LRRC49: variants seen among roughly 807,000 people sequenced by gnomAD.
LRRC49 encodes the protein leucine-rich repeat-containing protein 49.
A neutral mutation model predicts 83.3 loss-of-function variants in LRRC49; 50 were observed. The ratio of observed to expected loss-of-function variants is 0.60; its 90% CI spans 0.48 to 0.76. The LOEUF (loss-of-function observed/expected upper bound fraction) is 0.76, where lower values mean the gene tolerates loss of function less well. Ranked by LOEUF, LRRC49 falls within the 30% of genes least tolerant of loss-of-function variation. The pLI, the probability that LRRC49 is intolerant of heterozygous loss-of-function variation, is 0.00. For synonymous variants in LRRC49, 286 were observed against 283.3 expected (o/e 1.01, Z -0.10); for missense variants, 704 against 809.1 (o/e 0.87, Z 1.58).
At chr15:70,855,176 A>T (rs187658598) in intron 1 of LRRC49, among the ~76,000 whole-genome samples, 144 of 152,172 alleles carry the variant, frequency 9.5e-4, no homozygotes, top group African/African-American at 3.4e-3. Flanking sequence ...TACTAAAAAA[A>T]ATACAAAAAT....
intron 8 of LRRC49, among the ~76,000 whole-genome samples, chr15:70,958,110 G>A (rs1000904223): frequency 2.4e-4 from 37 of 152,120 alleles, no homozygotes; most frequent in Admixed American, 1.0e-3. Context: ...TTCTGTCCAT[G>A]CTACACTCTA....
intron 1 of LRRC49, chr15:70,893,345 C>T: frequency 3.5e-6 from 2 of 575,040 alleles, no homozygotes; most frequent in Non-Finnish European, 6.1e-6. Context: ...GCCTGAGGTA[C>T]TAACTAGAGG....
chr15:70,993,317 C>T (rs996067174), intron 11 of LRRC49, among the ~76,000 whole-genome samples: 1 of 152,174 alleles, frequency 6.6e-6, no homozygotes, highest in South Asian at 2.1e-4. Flanking sequence ...ATTCCCTGAC[C>T]CTTTGCCCTT....
intron 1 of LRRC49, chr15:70,859,946 C>T (rs2032747883): frequency 1.3e-6 from 1 of 765,204 alleles, no homozygotes; most frequent in African/African-American, 1.7e-5. Flanking sequence ...CATGACAATC[C>T]ATACGAAGAC....
chr15:71,048,805 G>A (rs983319998), intron 15 of LRRC49: 1 of 455,926 alleles, frequency 2.2e-6, no homozygotes, highest in African/African-American at 2.0e-5. Context: ...CAGAAGTTGA[G>A]TGGGAGACCT....
chr15:70,936,222 C>T (rs1270315834), intron 7 of LRRC49, among the ~76,000 whole-genome samples: 1 of 152,094 alleles, frequency 6.6e-6, no homozygotes, highest in East Asian at 1.9e-4. Context: ...CCTTCAGTGA[C>T]ACTTACCATG....
chr15:70,921,192 G>A (rs1197066939), intron 7 of LRRC49, among the ~76,000 whole-genome samples: 1 of 152,122 alleles, frequency 6.6e-6, no homozygotes, highest in African/African-American at 2.4e-5. Flanking sequence ...TAAGTGAAAG[G>A]GAAAGTCACT....
chr15:70,860,471 G>T (rs1159942484), intron 1 of LRRC49, among the ~76,000 whole-genome samples: 1 of 152,232 alleles, frequency 6.6e-6, no homozygotes. Flanking sequence ...CTCGAGTGCA[G>T]TGGAGTGATC....
rs745379803 is a variant in LRRC49, at chr15:70,984,228, C to T, written c.1140C>T (p.Ser380=). The T allele has an allele frequency of 6.2e-7, 1 of 1,612,700 alleles. No homozygotes were observed. The highest frequency in any genetic ancestry group is 8.5e-7 in the Non-Finnish European group (1 of 1,179,224). Residue 380 remains serine, a synonymous_variant, in exon 11 of 16, where the codon AGC becomes AGT. Coordinates refer to ENST00000260382, the MANE Select transcript of LRRC49 (RefSeq NM_017691.5). ...SPQDPCQIDG[S]TLSAFPEETG... is the part of the protein sequence containing the mutation. ...AGGACCCCTGTCAGATTGATGGAAG[C>T]ACCCTCTCTGCATTCCCAGAGGAAA...
At chr15:70,972,154 C>T (rs1052296827) in intron 9 of LRRC49, among the ~76,000 whole-genome samples, 1 of 152,064 alleles carries the variant, frequency 6.6e-6, no homozygotes, top group East Asian at 1.9e-4. Flanking sequence ...GTGCTTCCTT[C>T]AGGAGCTCTT....
chr15:70,980,460 T>C (rs767794718), intron 10 of LRRC49, among the ~76,000 whole-genome samples: 1 of 152,194 alleles, frequency 6.6e-6, no homozygotes, highest in Non-Finnish European at 1.5e-5. Context: ...TATAACACTT[T>C]TATTTCATAC....
intron 11 of LRRC49, among the ~76,000 whole-genome samples, chr15:70,989,049 TC>T (rs1175091121): frequency 6.6e-6 from 1 of 152,220 alleles, no homozygotes; most frequent in African/African-American, 2.4e-5. Flanking sequence ...ACCTGACCTT[TC>T]TCTCTGGCTG....
At chr15:70,932,981 C>A (rs114747433) in intron 7 of LRRC49, among the ~76,000 whole-genome samples, 2,364 of 152,114 alleles carry the variant, frequency 0.016, 60 homozygotes, top group African/African-American at 0.055. Flanking sequence ...GCACCCACCT[C>A]ACCTCCCAAA....
chr15:70,993,830 T>G, intron 11 of LRRC49, among the ~76,000 whole-genome samples: 1 of 152,200 alleles, frequency 6.6e-6, no homozygotes, highest in East Asian at 1.9e-4. Context: ...AGTTAGTCCT[T>G]CAATCCGTCA....
At chr15:71,010,182 G>A (rs1310981424) in intron 13 of LRRC49, among the ~76,000 whole-genome samples, 190 bp downstream of exon 13, 2 of 151,872 alleles carry the variant, frequency 1.3e-5, no homozygotes, top group Non-Finnish European at 2.9e-5. Context: ...TAAATAAATT[G>A]TAAAAATAAA....
At chr15:70,862,141 C>T (rs931309717) in intron 1 of LRRC49, among the ~76,000 whole-genome samples, 2 of 152,140 alleles carry the variant, frequency 1.3e-5, no homozygotes, top group Non-Finnish European at 2.9e-5. Context: ...GCCTGAAGGG[C>T]GAGCCCACCC....
At chr15:70,904,807 G>A (rs1015180545) in intron 5 of LRRC49, 52 bp downstream of exon 5, 2 of 1,340,322 alleles carry the variant, frequency 1.5e-6, no homozygotes, top group Non-Finnish European at 2.1e-6. Context: ...TAGGATTAAT[G>A]TGGAGATGAC....
intron 11 of LRRC49, among the ~76,000 whole-genome samples, chr15:70,996,774 T>C (rs1029537650): frequency 2.0e-5 from 3 of 152,198 alleles, no homozygotes; most frequent in African/African-American, 7.2e-5. Context: ...TCCTTTTTAT[T>C]TTTCCCACTT....
intron 11 of LRRC49, among the ~76,000 whole-genome samples, chr15:71,001,568 C>T (rs2038256080): frequency 1.3e-5 from 2 of 152,178 alleles, no homozygotes; most frequent in South Asian, 2.1e-4. Context: ...AAATCTCCTG[C>T]TGCCAATAGT....
Sources: allele counts gnomAD v4.1 joint callset (sites outside exome capture counted in the v4.1 genomes callset), GRCh38; gene constraint gnomAD v4.1.1; transcripts MANE v1.5; gene names NCBI Gene and HGNC (gene_info 2026-07-23, HGNC 2026-07-21).